MAGI2: variants seen among roughly 807,000 people sequenced by gnomAD.
The protein encoded by MAGI2 is membrane-associated guanylate kinase, WW and PDZ domain-containing protein 2.
A neutral mutation model predicts 133.3 loss-of-function variants in MAGI2; 35 were observed. That is an observed-to-expected ratio of 0.26 (90% CI 0.20 to 0.35). The LOEUF is 0.35. MAGI2 is among the 10% of genes least tolerant of loss of function. The pLI, the probability that MAGI2 is intolerant of heterozygous loss-of-function variation, is 1.00. For missense variants in MAGI2, 1,636 were observed against 1,863.4 expected (o/e 0.88, Z 2.25); for synonymous variants, 729 against 710.6 (o/e 1.03, Z -0.41).
At chr7:78,461,389 TGTGC>T (rs886998139) in intron 6 of MAGI2, among the ~76,000 whole-genome samples, 24 of 123,638 alleles carry the variant, frequency 1.9e-4, no homozygotes, top group African/African-American at 7.0e-4. Flanking sequence ...GACACGTGTG[TGTGC>T]GTGTGTGTGT....
chr7:78,781,018 TG>T (rs796635116), intron 2 of MAGI2, among the ~76,000 whole-genome samples: 25 of 152,344 alleles, frequency 1.6e-4, no homozygotes, highest in African/African-American at 5.3e-4. Context: ...GAATGACTTC[TG>T]ATTACTGAAA....
At position 79,213,861 on chromosome 7, in the gene MAGI2, A is replaced by G. The variant is rs116818475; in HGVS notation, c.302-206655T>C. On this transcript the variant is annotated intron_variant, in intron 1 of 21. Coordinates refer to ENST00000354212, the MANE Select transcript of MAGI2 (RefSeq NM_012301.4). ...TCCCTTTCTGGAGTTTATTCTCTAAAGACTATCAAGTAGTATTTCTCCACA... is the reference window on the plus strand; with the variant it reads ...TCCCTTTCTGGAGTTTATTCTCTAAGGACTATCAAGTAGTATTTCTCCACA... Among the ~76,000 whole-genome samples the G allele has an allele frequency of 1.4e-3, 208 of 152,126 alleles. 1 individual carries two copies. Among genetic ancestry groups the G allele is most frequent in the African/African-American group, 4.8e-3 (200 of 41,430 alleles).
At chr7:78,287,404 G>A (rs1010208161) in intron 9 of MAGI2, among the ~76,000 whole-genome samples, 17 of 152,164 alleles carry the variant, frequency 1.1e-4, no homozygotes, top group African/African-American at 4.1e-4. Flanking sequence ...TTTTTAAGGT[G>A]GAACGTCTGA....
At chr7:78,273,895 G>T (rs947588041) in intron 9 of MAGI2, among the ~76,000 whole-genome samples, 2 of 151,954 alleles carry the variant, frequency 1.3e-5, no homozygotes, top group African/African-American at 4.8e-5. Context: ...CCTTTAGTTC[G>T]GAGGAGTTTG....
chr7:78,495,958 T>C (rs780382041), intron 5 of MAGI2, among the ~76,000 whole-genome samples: 3 of 152,202 alleles, frequency 2.0e-5, no homozygotes, highest in African/African-American at 7.2e-5. Context: ...AGACCAGATT[T>C]TGTGACTAGT....
chr7:78,804,748 CAAAAAA>C (rs373472835), intron 2 of MAGI2, among the ~76,000 whole-genome samples: 1 of 97,738 alleles, frequency 1.0e-5, no homozygotes, highest in African/African-American at 4.7e-5. Context: ...GACTCTGTCT[CAAAAAA>C]AAAAAAAAAA....
chr7:78,645,687 G>A (rs1379803379), intron 2 of MAGI2, among the ~76,000 whole-genome samples: 1 of 149,684 alleles, frequency 6.7e-6, no homozygotes, highest in Non-Finnish European at 1.5e-5. Flanking sequence ...TTTACGTGAA[G>A]TTTTTAAGTG....
At chr7:78,162,357 CAAAA>C (rs3085587) in intron 15 of MAGI2, among the ~76,000 whole-genome samples, 1 of 137,038 alleles carries the variant, frequency 7.3e-6, no homozygotes, top group Non-Finnish European at 1.6e-5. Context: ...ACTAAAAATA[CAAAA>C]AAAAAAAAAA....
At chr7:79,067,665 G>A (rs1156874064) in intron 1 of MAGI2, among the ~76,000 whole-genome samples, 2 of 152,174 alleles carry the variant, frequency 1.3e-5, no homozygotes, top group African/African-American at 4.8e-5. Flanking sequence ...GTGAGAGAAG[G>A]CATCCTTGTC....
chr7:78,719,612 TC>T (rs1820062749), intron 2 of MAGI2, among the ~76,000 whole-genome samples: 1 of 152,228 alleles, frequency 6.6e-6, no homozygotes. Flanking sequence ...CAACCCTCTT[TC>T]TTTTACTTTC....
chr7:78,091,327 C>T (rs916824179), intron 20 of MAGI2, among the ~76,000 whole-genome samples: 1 of 152,046 alleles, frequency 6.6e-6, no homozygotes, highest in African/African-American at 2.4e-5. Flanking sequence ...GTGGGTTTGT[C>T]CTCTCTTGCC....
intron 1 of MAGI2, among the ~76,000 whole-genome samples, chr7:79,441,176 A>AT (rs1380911655): frequency 1.3e-5 from 2 of 152,236 alleles, no homozygotes; most frequent in African/African-American, 4.8e-5. Flanking sequence ...TACCAGTGTT[A>AT]TAAACATGTG....
intron 20 of MAGI2, among the ~76,000 whole-genome samples, chr7:78,094,308 T>G (rs1171888386): frequency 3.3e-5 from 5 of 152,248 alleles, no homozygotes; most frequent in Admixed American, 6.5e-5. Context: ...TGCCTTAAAC[T>G]ATGGCTCTTG....
intron 9 of MAGI2, among the ~76,000 whole-genome samples, chr7:78,293,348 T>G (rs1796915149): frequency 6.6e-6 from 1 of 152,218 alleles, no homozygotes; most frequent in South Asian, 2.1e-4. Flanking sequence ...TCATCATCAC[T>G]GGCCATCAGA....
At chr7:78,673,570 A>T (rs1325705411) in intron 2 of MAGI2, among the ~76,000 whole-genome samples, 2 of 152,052 alleles carry the variant, frequency 1.3e-5, no homozygotes, top group African/African-American at 4.8e-5. Flanking sequence ...CAAGAAGAAG[A>T]CCAATGTCCT....
chr7:79,404,406 G>A (rs1370322942), intron 1 of MAGI2, among the ~76,000 whole-genome samples: 1 of 152,040 alleles, frequency 6.6e-6, no homozygotes, highest in Non-Finnish European at 1.5e-5. Flanking sequence ...CACAATCATA[G>A]GTCACTGCAG....
intron 1 of MAGI2, among the ~76,000 whole-genome samples, chr7:79,305,860 G>T (rs1194849775): frequency 6.6e-6 from 1 of 152,060 alleles, no homozygotes; most frequent in Non-Finnish European, 1.5e-5. Context: ...GTTTGAAGCT[G>T]CAGTGAGATA....
chr7:78,597,682 G>A (rs76226853), intron 3 of MAGI2, among the ~76,000 whole-genome samples: 4 of 152,226 alleles, frequency 2.6e-5, no homozygotes, highest in African/African-American at 9.6e-5. Context: ...CCATGAATGC[G>A]ACTGACCCTG....
chr7:78,949,863 C>T (rs569549701), intron 2 of MAGI2, among the ~76,000 whole-genome samples: 1 of 152,290 alleles, frequency 6.6e-6, no homozygotes, highest in African/African-American at 2.4e-5. Context: ...TCCATGTTGG[C>T]ATTTGCATAA....
Sources: gnomAD v4.1 joint callset for allele counts (sites outside exome capture counted in the v4.1 genomes callset) on GRCh38, gnomAD v4.1.1 for gene constraint, MANE v1.5 for transcripts, NCBI Gene and HGNC (gene_info 2026-07-23, HGNC 2026-07-21) for gene names.